The following GALNT5 variants were observed in gnomAD, a reference collection of about 807,000 sequenced individuals.
GALNT5 encodes the protein UDP-GalNAc:polypeptide N-acetylgalactosaminyltransferase 5.
A neutral mutation model predicts 85.4 loss-of-function variants in GALNT5; 72 were observed. The observed-to-expected ratio is 0.84, with a 90% CI of 0.70 to 1.03. GALNT5 has a LOEUF of 1.03. Ranked by LOEUF, GALNT5 falls within the 50% of genes least tolerant of loss-of-function variation. The probability of loss-of-function intolerance (pLI) is 0.00; values close to 1 mark genes in which losing one functional copy is unlikely to be tolerated. For synonymous variants in GALNT5, 404 were observed against 397.0 expected, an observed-to-expected ratio of 1.02 and a Z score of -0.21; for missense variants, 1,137 against 1,135.5, an observed-to-expected ratio of 1.00 and a Z score of -0.02.
Position 157,263,820 on chromosome 2 carries a change from A to G in GALNT5, c.1454+4284A>G, listed in dbSNP as rs1682400959. On this transcript the variant is annotated intron_variant, in intron 1 of 9. Coordinates refer to ENST00000259056, the MANE Select transcript of GALNT5 (RefSeq NM_014568.3). ...TCTTAATTTTTCATTATGAATATAT[A>G]GAAGATATTAAAATCTGATTTAAGG... 2.0e-5 allele frequency among the ~76,000 whole-genome samples: 3 copies of G among 152,352 alleles called. No individual in the cohort carries two copies. The South Asian group carries it at 6.2e-4, about 32-fold the overall frequency.
chr2:157,304,492 T>G (rs1463782464), intron 7 of GALNT5, among the ~76,000 whole-genome samples: 1 of 152,362 alleles, frequency 6.6e-6, no homozygotes, highest in African/African-American at 2.4e-5. Context: ...AAATGAAGCC[T>G]GGTGTAAAGT....
chr2:157,259,421 G>A lies in GALNT5; in HGVS notation c.1339G>A (p.Val447Ile), dbSNP rs769975984. 27 of 1,480,172 alleles carry A rather than the reference G, an allele frequency of 1.8e-5. No homozygotes were observed. Among genetic ancestry groups the A allele is most frequent in the Non-Finnish European group, 2.2e-5 (25 of 1,114,592 alleles). 91.7% of individuals were successfully genotyped at this position (1,480,172 alleles called of 1,614,324 possible). ...APGQFGRPVVVPHGKEKEAER... is the reference protein window; with the variant it reads ...APGQFGRPVVIPHGKEKEAER... ...AGGGCAGTTTGGGCGTCCTGTAGTTGTCCCCCATGGAAAGGAGAAGGAGGC... is the reference window on the plus strand; with the variant it reads ...AGGGCAGTTTGGGCGTCCTGTAGTTATCCCCCATGGAAAGGAGAAGGAGGC... The change falls in exon 1 of 10, where the codon GTC becomes ATC. Residue 447 changes from valine to isoleucine, a missense_variant. Physicochemically the swap from Val to Ile is conservative, Grantham distance 29. Coordinates refer to ENST00000259056, the MANE Select transcript of GALNT5 (RefSeq NM_014568.3).
At position 157,311,549 on chromosome 2, in the gene GALNT5, C is replaced by T. The variant is rs969452225; in HGVS notation, c.*201C>T. 5 of 460,596 alleles carry T rather than the reference C, an allele frequency of 1.1e-5. No individual in the cohort carries two copies. The highest frequency in any genetic ancestry group is 5.6e-5 in the South Asian group (2 of 35,846). 28.5% of individuals were successfully genotyped at this position (460,596 alleles called of 1,614,324 possible). On this transcript the variant is annotated 3_prime_UTR_variant, in exon 10 of 10. Coordinates refer to ENST00000259056, the MANE Select transcript of GALNT5 (RefSeq NM_014568.3). The stretch of plus-strand genomic sequence containing the variant: ...CCAACATTGGACTGAAGTCCTTCTT[C>T]GGAACTGGGTGGCCTTTGAATTGCC...
At chr2:157,274,299 T>C (rs1317477707) in intron 1 of GALNT5, among the ~76,000 whole-genome samples, 1 of 152,220 alleles carries the variant, frequency 6.6e-6, no homozygotes, top group African/African-American at 2.4e-5. Flanking sequence ...CATGTGTCTT[T>C]ATAGTAGCAG....
chr2:157,299,729 AT>A, intron 6 of GALNT5, 64 bp downstream of exon 6: 1 of 869,512 alleles, frequency 1.2e-6, no homozygotes, highest in South Asian at 1.6e-5. Flanking sequence ...AAATGGTTTG[AT>A]TTTACTACCA....
intron 1 of GALNT5, among the ~76,000 whole-genome samples, chr2:157,263,653 G>A (rs1682397563): frequency 6.6e-6 from 1 of 152,150 alleles, no homozygotes; most frequent in Non-Finnish European, 1.5e-5. Flanking sequence ...TGTACATTCA[G>A]AAGCAACAGG....
rs776688465 is a variant in GALNT5, at chr2:157,305,733, G to A, written c.2440-16G>A. 13 of 1,431,004 alleles carry A rather than the reference G, an allele frequency of 9.1e-6. No homozygotes were observed. Among genetic ancestry groups the A allele is most frequent in the Middle Eastern group, 1.8e-4 (1 of 5,710 alleles). The allele number at this position is 1,431,004 out of a possible 1,614,324, so 88.6% of individuals were successfully genotyped here. A position where few individuals can be genotyped will look rare whatever the true frequency, so the allele number is the denominator to read the frequency against. ...TAAAATATTTTGTAATTCCTGTTTC[G>A]TATTTTGCTTTTTAGCTTATTAATG... On this transcript the variant is annotated splice_polypyrimidine_tract_variant and intron_variant, in intron 7 of 9. Coordinates refer to ENST00000259056, the MANE Select transcript of GALNT5 (RefSeq NM_014568.3).
chr2:157,292,261 G>A (rs1683117230), intron 3 of GALNT5, among the ~76,000 whole-genome samples: 1 of 152,130 alleles, frequency 6.6e-6, no homozygotes, highest in Non-Finnish European at 1.5e-5. Context: ...ATCAGGAACA[G>A]TGCGTACAAT....
In GALNT5 at chr2:157,262,819, C is replaced by CTTT. The variant is rs535380585; in HGVS notation, c.1454+3308_1454+3310dup. On this transcript the variant is annotated intron_variant, in intron 1 of 9. Coordinates refer to ENST00000259056, the MANE Select transcript of GALNT5 (RefSeq NM_014568.3). Reference sequence around the variant, plus strand: ...AATGTTAAGATTCAATTTCACAACTCTTTTTTTTTTTTTTTTTTTTTTTTT... The same window carrying CTTT: ...AATGTTAAGATTCAATTTCACAACTCTTTTTTTTTTTTTTTTTTTTTTTTTTTT... Among the ~76,000 whole-genome samples the CTTT allele has an allele frequency of 3.5e-4, 35 of 100,948 alleles. 3 individuals carry two copies. The South Asian group carries it at 4.4e-3, about 13-fold the overall frequency. 66.2% of individuals were successfully genotyped at this position (100,948 alleles called of 152,430 possible). A position where few individuals can be genotyped will look rare whatever the true frequency, so the allele number is the denominator to read the frequency against.
intron 7 of GALNT5, among the ~76,000 whole-genome samples, chr2:157,304,548 C>A (rs1434112360): frequency 6.6e-6 from 1 of 152,180 alleles, no homozygotes; most frequent in Admixed American, 6.5e-5. Flanking sequence ...TCTCCCTTTG[C>A]TAATGGGCAA....
At chr2:157,281,788 T>G (rs1425598993) in intron 1 of GALNT5, among the ~76,000 whole-genome samples, 1 of 152,198 alleles carries the variant, frequency 6.6e-6, no homozygotes, top group Non-Finnish European at 1.5e-5. Context: ...ATAGTGGCAG[T>G]GAGCTTGGCT....
intron 3 of GALNT5, among the ~76,000 whole-genome samples, chr2:157,290,112 T>TATATATAC (rs1416458086): frequency 2.0e-4 from 28 of 138,254 alleles, no homozygotes; most frequent in African/African-American, 8.6e-4. Context: ...TATATATATA[T>TATATATAC]ACATACACAA....
chr2:157,314,206 T>C lies in GALNT5; in HGVS notation c.*2858T>C, dbSNP rs896258327. 9 of 148,784 alleles carry C rather than the reference T, an allele frequency of 6.0e-5. No homozygotes were observed. The highest frequency in any genetic ancestry group is 1.0e-4 in the Non-Finnish European group (7 of 67,660). 9.2% of individuals were successfully genotyped at this position (148,784 alleles called of 1,614,324 possible). A position where few individuals can be genotyped will look rare whatever the true frequency, so the allele number is the denominator to read the frequency against. On this transcript the variant is annotated 3_prime_UTR_variant, in exon 10 of 10. Transcript: ENST00000259056. ...CTGGATTAGCTTAGGTCATTGCCTT[T>C]ACTTTAAAAAAAAAAAAAAAAAGTC...
At chr2:157,270,637 C>A (rs1437396049) in intron 1 of GALNT5, among the ~76,000 whole-genome samples, 1 of 152,200 alleles carries the variant, frequency 6.6e-6, no homozygotes, top group African/African-American at 2.4e-5. Flanking sequence ...TTCATTCATG[C>A]ATTCAATACA....
rs1162770976 is a variant in GALNT5, at chr2:157,312,237, T to C, written c.*889T>C. Reference sequence around the variant, plus strand: ...GGAGTTGAAATGAGTAAAGCAGAAATAGAGCTGCTGAAAGTTTCTTTTATA... The same window carrying C: ...GGAGTTGAAATGAGTAAAGCAGAAACAGAGCTGCTGAAAGTTTCTTTTATA... On this transcript the variant is annotated 3_prime_UTR_variant, in exon 10 of 10. Coordinates refer to ENST00000259056, the MANE Select transcript of GALNT5 (RefSeq NM_014568.3). 6.6e-6 allele frequency: 1 copy of C among 152,106 alleles called. No individual in the cohort carries two copies. The highest frequency in any genetic ancestry group is 1.5e-5 in the Non-Finnish European group (1 of 67,984). The allele number at this position is 152,106 out of a possible 1,614,324, so 9.4% of individuals were successfully genotyped here.
At chr2:157,303,218 T>C (rs1028381153) in intron 7 of GALNT5, among the ~76,000 whole-genome samples, 3 of 152,178 alleles carry the variant, frequency 2.0e-5, no homozygotes, top group Non-Finnish European at 4.4e-5. Flanking sequence ...TGGCAAACAG[T>C]CTATAGCTCC....
intron 8 of GALNT5, 128 bp downstream of exon 8, chr2:157,305,957 A>G: frequency 1.6e-6 from 1 of 618,456 alleles, no homozygotes. Context: ...GTAAAAAGAG[A>G]GTCCACCACT....
In GALNT5 at chr2:157,305,864, A is replaced by G. The variant is rs369958201; in HGVS notation, c.2520+35A>G. 2.7e-5 allele frequency: 32 copies of G among 1,166,478 alleles called. No individual in the cohort carries two copies. In the African/African-American group the frequency reaches 4.5e-4, roughly 16 times the overall value. The allele number at this position is 1,166,478 out of a possible 1,614,324, so 72.3% of individuals were successfully genotyped here. A position where few individuals can be genotyped will look rare whatever the true frequency, so the allele number is the denominator to read the frequency against. ...ACTGTTTTCTATCTCATGGTAGCTGATAGGTGCAGGGTATGACACATTCAT... is the reference window on the plus strand; with the variant it reads ...ACTGTTTTCTATCTCATGGTAGCTGGTAGGTGCAGGGTATGACACATTCAT... On this transcript the variant is annotated intron_variant, in intron 8 of 9. Coordinates refer to ENST00000259056, the MANE Select transcript of GALNT5 (RefSeq NM_014568.3).
intron 1 of GALNT5, among the ~76,000 whole-genome samples, chr2:157,283,000 A>T (rs115544272): frequency 0.012 from 1,762 of 152,312 alleles, 34 homozygotes; most frequent in African/African-American, 0.04. Flanking sequence ...AGTAAAGTAT[A>T]ACCATGTTAT....
Sources: gnomAD v4.1 joint callset for allele counts (sites outside exome capture counted in the v4.1 genomes callset) on GRCh38, gnomAD v4.1.1 for gene constraint, MANE v1.5 for transcripts, NCBI Gene and HGNC (gene_info 2026-07-23, HGNC 2026-07-21) for gene names.